The following EML5 variants were observed in gnomAD, a reference collection of about 807,000 sequenced individuals.
The protein encoded by EML5 is EMAP like 5.
A neutral mutation model predicts 250.0 loss-of-function variants in EML5; 120 were observed. The ratio of observed to expected loss-of-function variants is 0.48; its 90% CI spans 0.41 to 0.56. The LOEUF is 0.56. Ranked by LOEUF, EML5 falls within the 20% of genes least tolerant of loss-of-function variation. The pLI is 0.00. For synonymous variants in EML5, 771 were observed against 806.5 expected, an observed-to-expected ratio of 0.96 and a Z score of 0.75; for missense variants, 2,006 against 2,437.6, an observed-to-expected ratio of 0.82 and a Z score of 3.73.
intron 2 of EML5, among the ~76,000 whole-genome samples, chr14:88,752,736 C>A (rs1369442569): frequency 6.6e-6 from 1 of 152,310 alleles, no homozygotes; most frequent in Non-Finnish European, 1.5e-5. Flanking sequence ...TTGCCTTTGC[C>A]AAAATCACTC....
chr14:88,621,904 C>T (rs749578989), intron 37 of EML5: 8 of 456,072 alleles, frequency 1.8e-5, no homozygotes, highest in African/African-American at 1.2e-4. Context: ...CTTGTAAATA[C>T]CTGAAAATAC....
At chr14:88,665,611 G>A (rs1020436522) in intron 21 of EML5, 122 bp from the exon 22 acceptor site, 21 of 1,311,270 alleles carry the variant, frequency 1.6e-5, no homozygotes, top group South Asian at 4.4e-5. Flanking sequence ...AGGACTGCCC[G>A]CGGCCAGGAG....
chr14:88,791,244 G>A (rs970838410), intron 1 of EML5, among the ~76,000 whole-genome samples: 6 of 152,148 alleles, frequency 3.9e-5, no homozygotes, highest in East Asian at 1.9e-4. Context: ...TCAAACCAAG[G>A]TACCGTATTT....
chr14:88,766,510 G>A (rs981736462), intron 1 of EML5, among the ~76,000 whole-genome samples: 10 of 152,072 alleles, frequency 6.6e-5, no homozygotes, highest in African/African-American at 2.2e-4. Flanking sequence ...GGAAATTCCT[G>A]CCTAATAAAT....
In EML5 at chr14:88,661,839, GA is replaced by G; in HGVS notation, c.3499-10del. ...CAAGCAATTTTTTCTACCTAAAAAT[GA>G]AAAACAATGCTGTAAGTTTGGATTA... On this transcript the variant is annotated splice_polypyrimidine_tract_variant and intron_variant, in intron 24 of 43. Transcript: ENST00000554922. 6.2e-7 allele frequency: 1 copy of G among 1,600,938 alleles called. No individual in the cohort carries two copies.
intron 41 of EML5, 92 bp from the exon 42 acceptor site, chr14:88,616,971 C>T: frequency 8.4e-7 from 1 of 1,191,382 alleles, no homozygotes; most frequent in Non-Finnish European, 1.2e-6. Context: ...TCTCTAAGTA[C>T]CCTATCATGT....
chr14:88,690,360 G>A (rs76340069), intron 17 of EML5, among the ~76,000 whole-genome samples: 1 of 152,348 alleles, frequency 6.6e-6, no homozygotes, highest in East Asian at 1.9e-4. Flanking sequence ...AAGGATGAAA[G>A]GAGTTAGAAG....
At chr14:88,684,104 G>T (rs149431863) in intron 20 of EML5, among the ~76,000 whole-genome samples, 1 of 150,764 alleles carries the variant, frequency 6.6e-6, no homozygotes, top group Non-Finnish European at 1.5e-5. Flanking sequence ...AAATGAGGAC[G>T]GCAAGTTTAC....
intron 20 of EML5, among the ~76,000 whole-genome samples, chr14:88,683,370 T>C (rs1025069430): frequency 1.3e-5 from 2 of 152,178 alleles, no homozygotes; most frequent in African/African-American, 4.8e-5. Context: ...GCACAATTTA[T>C]ACCCAAGGAA....
chr14:88,637,628 G>A (rs2090815858), intron 32 of EML5, among the ~76,000 whole-genome samples: 1 of 151,970 alleles, frequency 6.6e-6, no homozygotes, highest in Non-Finnish European at 1.5e-5. Flanking sequence ...ACAATACCTC[G>A]CACATGGCAG....
At position 88,688,234 on chromosome 14, in the gene EML5, A is replaced by C. The variant is rs765289398; in HGVS notation, c.2742+37T>G. 1.9e-5 allele frequency: 30 copies of C among 1,609,874 alleles called. No individual in the cohort carries two copies. The Admixed American group carries it at 5.0e-4, about 27-fold the overall frequency. Reference sequence around the variant, plus strand: ...TTAAAATGCTCTACACTCCAGGACAAATTTTGTTTAATTTAAAATCTCTTT... The same window carrying C: ...TTAAAATGCTCTACACTCCAGGACACATTTTGTTTAATTTAAAATCTCTTT... On this transcript the variant is annotated intron_variant, in intron 18 of 43. Transcript: ENST00000554922.
intron 1 of EML5, among the ~76,000 whole-genome samples, chr14:88,762,613 A>G (rs2094260913): frequency 6.6e-6 from 1 of 152,154 alleles, no homozygotes; most frequent in Non-Finnish European, 1.5e-5. Context: ...GAGACACAAA[A>G]TTAACAAGGA....
intron 6 of EML5, among the ~76,000 whole-genome samples, 191 bp downstream of exon 6, chr14:88,738,688 T>C (rs2093881863): frequency 6.6e-6 from 1 of 152,160 alleles, no homozygotes; most frequent in East Asian, 1.9e-4. Context: ...CTCCTAACAA[T>C]GAACCTAAAC....
intron 1 of EML5, among the ~76,000 whole-genome samples, chr14:88,791,570 A>G (rs1182731723): frequency 6.6e-6 from 1 of 152,222 alleles, no homozygotes; most frequent in Non-Finnish European, 1.5e-5. Context: ...GTTATTGTCC[A>G]AGGAAGACTA....
intron 14 of EML5, among the ~76,000 whole-genome samples, chr14:88,700,458 C>T (rs1160638351): frequency 6.6e-6 from 1 of 152,064 alleles, no homozygotes; most frequent in African/African-American, 2.4e-5. Context: ...CCAGGAGCAT[C>T]CCTGAGTTAT....
Position 88,670,562 on chromosome 14 carries a change from G to C in EML5, c.3125-5073C>G, listed in dbSNP as rs531940010. On this transcript the variant is annotated intron_variant, in intron 21 of 43. Transcript: ENST00000554922. Reference sequence around the variant, plus strand: ...AGCAAGGGCACAGAACTGGGCAAAGGCTGAGATGGATGAATTGACAGAAGT... The same window carrying C: ...AGCAAGGGCACAGAACTGGGCAAAGCCTGAGATGGATGAATTGACAGAAGT... 3.3e-5 allele frequency among the ~76,000 whole-genome samples: 5 copies of C among 152,274 alleles called. No individual in the cohort carries two copies. In the East Asian group the frequency reaches 5.8e-4, roughly 18 times the overall value.
intron 43 of EML5, 90 bp downstream of exon 43, chr14:88,616,052 A>AT (rs61173654): frequency 0.25 from 355,047 of 1,419,770 alleles, 46,657 homozygotes; most frequent in East Asian, 0.37. Context: ...TGACTAGCTG[A>AT]TTTCATAAAC....
At chr14:88,737,031 G>C (rs1239362648) in intron 6 of EML5, among the ~76,000 whole-genome samples, 1 of 152,042 alleles carries the variant, frequency 6.6e-6, no homozygotes, top group African/African-American at 2.4e-5. Context: ...CCTCTCCATT[G>C]AGAGCTGTTT....
chr14:88,628,996 ATTAATATATT>A (rs1319410308), intron 33 of EML5, among the ~76,000 whole-genome samples: 1 of 152,076 alleles, frequency 6.6e-6, no homozygotes, highest in East Asian at 1.9e-4. Flanking sequence ...TTGAACTAAA[ATTAATATATT>A]ATTCATTCAT....
Sources: allele counts gnomAD v4.1 joint callset (sites outside exome capture counted in the v4.1 genomes callset), GRCh38; gene constraint gnomAD v4.1.1; transcripts MANE v1.5; gene names NCBI Gene and HGNC (gene_info 2026-07-23, HGNC 2026-07-21).